Variants in EXOSC3 observed in about 807,000 individuals in gnomAD.
The protein encoded by EXOSC3 is exosome complex component RRP40.
EXOSC3 carries 18 observed loss-of-function variants against 25.1 expected under a neutral mutation model. The ratio of observed to expected loss-of-function variants is 0.72; its 90% CI spans 0.50 to 1.06. The LOEUF is 1.06. EXOSC3 is among the 50% of genes least tolerant of loss of function. The pLI is 0.00. For synonymous variants in EXOSC3, 165 were observed against 132.2 expected, an observed-to-expected ratio of 1.25 and a Z score of -1.70; for missense variants, 382 against 350.9, an observed-to-expected ratio of 1.09 and a Z score of -0.71.
chr9:37,784,416 C>G (rs190918996), intron 1 of EXOSC3: 6 of 501,076 alleles, frequency 1.2e-5, no homozygotes. Context: ...CCTATGACAT[C>G]CACTCATTGA....
In EXOSC3 at chr9:37,780,895, A is replaced by G; in HGVS notation, c.627-15T>C. 6.9e-6 allele frequency: 11 copies of G among 1,605,622 alleles called. No homozygotes were observed. The highest frequency in any genetic ancestry group is 8.5e-6 in the Non-Finnish European group (10 of 1,175,824). On this transcript the variant is annotated splice_polypyrimidine_tract_variant and intron_variant, in intron 3 of 3. Coordinates refer to ENST00000327304, the MANE Select transcript of EXOSC3 (RefSeq NM_016042.4). ...GAGCTAATAGCCTGGTGGGAAGAGA[A>G]AAGAAAATGAAATTTAATGAAGTGG...
Position 37,784,041 on chromosome 9 carries a change from T to A in EXOSC3, c.347A>T (p.His116Leu). 3 of 1,612,762 alleles carry A rather than the reference T, an allele frequency of 1.9e-6. No individual in the cohort carries two copies. The highest frequency in any genetic ancestry group is 1.1e-5 in the South Asian group (1 of 90,744). Residue 116 changes from histidine (H) to leucine (L), a missense_variant, in exon 2 of 4, where the codon CAT becomes CTT. Transcript: ENST00000327304. Reference sequence around the variant, plus strand: ...TTTAGCTGTCACTATGCCAATCACATGGTCTCCTTTTACTGGAACATACTA... The same window carrying A: ...TTTAGCTGTCACTATGCCAATCACAAGGTCTCCTTTTACTGGAACATACTA... Reference protein sequence around the residue: ...QKRYVPVKGDHVIGIVTAKSG... With the variant: ...QKRYVPVKGDLVIGIVTAKSG...
In EXOSC3 at chr9:37,784,966, C is replaced by G. The variant is rs770262381; in HGVS notation, c.79G>C (p.Val27Leu). 6.2e-7 allele frequency: 1 copy of G among 1,613,056 alleles called. No individual in the cohort carries two copies. The highest frequency in any genetic ancestry group is 8.5e-7 in the Non-Finnish European group (1 of 1,179,894). Residue 27 changes from valine (V) to leucine (L), a missense_variant, in exon 1 of 4, where the codon GTG becomes CTG. Transcript: ENST00000327304. The part of the protein sequence containing the change: ...ARAARTVLGQ[V>L]VLPGEELLLP... ...AGCAGCTCCTCACCCGGGAGCACCA[C>G]CTGACCTAGTACTGTGCGTGCAGCG...
At chr9:37,783,535 AGGAT>A (rs985206927) in intron 2 of EXOSC3, among the ~76,000 whole-genome samples, 2 of 152,194 alleles carry the variant, frequency 1.3e-5, no homozygotes, top group African/African-American at 4.8e-5. Context: ...ACCTACAGCC[AGGAT>A]GGATGGATAG....
chr9:37,785,058 A>G lies in EXOSC3; in HGVS notation c.-14T>C. The G allele has an allele frequency of 6.3e-7, 1 of 1,585,236 alleles. No homozygotes were observed. The highest frequency in any genetic ancestry group is 8.6e-7 in the Non-Finnish European group (1 of 1,164,560). ...AGGTTCGGCCATCGCGGGCTCCACC[A>G]AACACCGTTTCCGGTACCCGCCTTC... On this transcript the variant is annotated 5_prime_UTR_variant, in exon 1 of 4. Coordinates refer to ENST00000327304, the MANE Select transcript of EXOSC3 (RefSeq NM_016042.4).
Position 37,783,927 on chromosome 9 carries a change from CTGTT to C in EXOSC3, c.457_460del (p.Asn153AspfsTer49). The stretch of plus-strand genomic sequence containing the variant: ...TCCCGTAATTACCTGCACATTTGGT[CTGTT>C]TCTTTTAGTTGCACCTTCAAATGAC... On this transcript the variant is annotated frameshift_variant, in exon 2 of 4. Coordinates refer to ENST00000327304, the MANE Select transcript of EXOSC3 (RefSeq NM_016042.4). LOFTEE classifies it high-confidence loss of function. 6.2e-7 allele frequency: 1 copy of C among 1,611,726 alleles called. No individual in the cohort carries two copies. The highest frequency in any genetic ancestry group is 8.5e-7 in the Non-Finnish European group (1 of 1,179,748).
rs1019771747 is a variant in EXOSC3, at chr9:37,781,661, G to C, written c.626+325C>G. 4 of 244,684 alleles carry C rather than the reference G, an allele frequency of 1.6e-5. No individual in the cohort carries two copies. The South Asian group carries it at 3.0e-4, about 18-fold the overall frequency. 15.2% of individuals were successfully genotyped at this position (244,684 alleles called of 1,614,324 possible). A position where few individuals can be genotyped will look rare whatever the true frequency, so the allele number is the denominator to read the frequency against. ...ACTGCATCTGTATTCAAGTGACTCA[G>C]AACAGGGGAAAGGCCAGTTTTCACA... On this transcript the variant is annotated intron_variant, in intron 3 of 3. Coordinates refer to ENST00000327304, the MANE Select transcript of EXOSC3 (RefSeq NM_016042.4).
chr9:37,779,833 C>T lies in EXOSC3; in HGVS notation c.*846G>A, dbSNP rs1219007401. The T allele has an allele frequency of 6.6e-6, 1 of 152,190 alleles. No individual in the cohort carries two copies. The highest frequency in any genetic ancestry group is 1.5e-5 in the Non-Finnish European group (1 of 68,042). 9.4% of individuals were successfully genotyped at this position (152,190 alleles called of 1,614,324 possible). ...TCAGAGGTCTAGAAACCAAGAATCACTGATGTGGATCACCTGGCAGTCTCT... is the reference window on the plus strand; with the variant it reads ...TCAGAGGTCTAGAAACCAAGAATCATTGATGTGGATCACCTGGCAGTCTCT... On this transcript the variant is annotated 3_prime_UTR_variant, in exon 4 of 4. Transcript: ENST00000327304.
rs75756672 is a variant in EXOSC3 at position 37,783,122 on chromosome 9, G to A, written c.474+792C>T. On this transcript the variant is annotated intron_variant, in intron 2 of 3. Transcript: ENST00000327304. The stretch of plus-strand genomic sequence containing the variant: ...CTGTATGAAGGATATAATTAGGGAT[G>A]AGGAAAGACACCTGGAGTGTAATGC... 3.1e-3 allele frequency among the ~76,000 whole-genome samples: 476 copies of A among 152,312 alleles called. 1 individual carries two copies. Among genetic ancestry groups the A allele is most frequent in the Non-Finnish European group, 5.7e-3 (390 of 68,034 alleles).
In EXOSC3 at chr9:37,784,843, C is replaced by A. The variant is rs745785017; in HGVS notation, c.202G>T (p.Gly68Cys). ...TCCCCACAGCGCCGAAGGCCCGGAC[C>A]GCATACAACGCGCACCCGCGAGCAC... ...RACSRVRVVC[G>C]PGLRRCGDRL... The change falls in exon 1 of 4, where the codon GGT becomes TGT. Residue 68 changes from glycine to cysteine, a missense_variant. Gly to Cys is a radical substitution (Grantham distance 159). Transcript: ENST00000327304. The A allele has an allele frequency of 3.1e-6, 5 of 1,608,290 alleles. No homozygotes were observed. Among genetic ancestry groups the A allele is most frequent in the Non-Finnish European group, 4.2e-6 (5 of 1,177,632 alleles).
chr9:37,780,769 C>T lies in EXOSC3; in HGVS notation c.738G>A (p.Gln246=). The T allele has an allele frequency of 1.9e-6, 3 of 1,614,018 alleles. No homozygotes were observed. The highest frequency in any genetic ancestry group is 2.5e-6 in the Non-Finnish European group (3 of 1,179,938). Residue 246 remains glutamine, a synonymous_variant, in exon 4 of 4, where the codon CAG becomes CAA. Coordinates refer to ENST00000327304, the MANE Select transcript of EXOSC3 (RefSeq NM_016042.4). ...RIWVKAKTIQ[Q]TLILANILEA... ...CTAAAATGTTTGCCAAAATTAAAGTCTGCTGGATGGTTTTTGCCTTAACCC... is the reference window on the plus strand; with the variant it reads ...CTAAAATGTTTGCCAAAATTAAAGTTTGCTGGATGGTTTTTGCCTTAACCC...
At chr9:37,784,596 T>C (rs1828665999) in intron 1 of EXOSC3, 125 bp downstream of exon 1, 2 of 1,080,588 alleles carry the variant, frequency 1.9e-6, no homozygotes, top group Non-Finnish European at 2.6e-6. Context: ...GGCACAAGAC[T>C]ACGGTGGCTC....
Position 37,785,020 on chromosome 9 carries a change from C to A in EXOSC3, c.25G>T (p.Ala9Ser). Reference sequence around the variant, plus strand: ...GCCCTGCTGCCCGCGAGAGATTCAGCCGCGACAGACGCAGGTTCGGCCATC... The same window carrying A: ...GCCCTGCTGCCCGCGAGAGATTCAGACGCGACAGACGCAGGTTCGGCCATC... MAEPASVA[A>S]ESLAGSRARA... is the part of the protein sequence containing the mutation. The change falls in exon 1 of 4, where the codon GCT becomes TCT. Residue 9 changes from alanine to serine, a missense_variant. Physicochemically the swap from Ala to Ser is moderately conservative, Grantham distance 99. Transcript: ENST00000327304. 2 of 1,601,188 alleles carry A rather than the reference C, an allele frequency of 1.2e-6. No homozygotes were observed. The highest frequency in any genetic ancestry group is 1.7e-6 in the Non-Finnish European group (2 of 1,172,160).
At position 37,783,875 on chromosome 9, in the gene EXOSC3, G is replaced by A. The variant is rs191065591; in HGVS notation, c.474+39C>T. 3.0e-4 allele frequency: 474 copies of A among 1,599,142 alleles called. 1 individual carries two copies. The African/African-American group carries it at 5.3e-3, about 18-fold the overall frequency. On this transcript the variant is annotated intron_variant, in intron 2 of 3. Transcript: ENST00000327304. ...GGATATGTGAGTGTTCTAGGGAATG[G>A]ATGTTTGTTTCTTTGAAACCAAAGG...
Position 37,785,019 on chromosome 9 carries a change from G to A in EXOSC3, c.26C>T (p.Ala9Val). Reference sequence around the variant, plus strand: ...CGCCCTGCTGCCCGCGAGAGATTCAGCCGCGACAGACGCAGGTTCGGCCAT... The same window carrying A: ...CGCCCTGCTGCCCGCGAGAGATTCAACCGCGACAGACGCAGGTTCGGCCAT... MAEPASVA[A>V]ESLAGSRARA... The change falls in exon 1 of 4, where the codon GCT (alanine) becomes GTT (valine). Residue 9 changes from alanine (A) to valine (V), a missense_variant. Physicochemically the swap from Ala to Val is moderately conservative, Grantham distance 64 (BLOSUM62 0). Coordinates refer to ENST00000327304, the MANE Select transcript of EXOSC3 (RefSeq NM_016042.4). 3 of 1,601,094 alleles carry A rather than the reference G, an allele frequency of 1.9e-6. No homozygotes were observed. The highest frequency in any genetic ancestry group is 2.6e-6 in the Non-Finnish European group (3 of 1,171,884).
chr9:37,782,333 CA>C (rs1292466277), intron 2 of EXOSC3, among the ~76,000 whole-genome samples, 196 bp from the exon 3 acceptor site: 1 of 152,196 alleles, frequency 6.6e-6, no homozygotes, highest in Non-Finnish European at 1.5e-5. Context: ...TCCCTTTCAC[CA>C]ATCAGGAAAT....
At position 37,785,046 on chromosome 9, in the gene EXOSC3, G is replaced by C; in HGVS notation, c.-2C>G. The C allele has an allele frequency of 1.3e-6, 2 of 1,593,238 alleles. No individual in the cohort carries two copies. Among genetic ancestry groups the C allele is most frequent in the Non-Finnish European group, 1.7e-6 (2 of 1,168,828 alleles). ...CGCGACAGACGCAGGTTCGGCCATC[G>C]CGGGCTCCACCAAACACCGTTTCCG... is the stretch of plus-strand genomic sequence containing the variant. On this transcript the variant is annotated 5_prime_UTR_variant, in exon 1 of 4. Coordinates refer to ENST00000327304, the MANE Select transcript of EXOSC3 (RefSeq NM_016042.4).
Position 37,785,039 on chromosome 9 carries a change from G to T in EXOSC3, c.6C>A (p.Ala2=), listed in dbSNP as rs752749069. 5 of 1,594,734 alleles carry T rather than the reference G, an allele frequency of 3.1e-6. No homozygotes were observed. Among genetic ancestry groups the T allele is most frequent in the Admixed American group, 1.7e-5 (1 of 59,468 alleles). The change falls in exon 1 of 4, where the codon GCC becomes GCA. Residue 2 remains alanine, a synonymous_variant. Coordinates refer to ENST00000327304, the MANE Select transcript of EXOSC3 (RefSeq NM_016042.4). M[A]EPASVAAESL... ...ATTCAGCCGCGACAGACGCAGGTTCGGCCATCGCGGGCTCCACCAAACACC... is the reference window on the plus strand; with the variant it reads ...ATTCAGCCGCGACAGACGCAGGTTCTGCCATCGCGGGCTCCACCAAACACC...
intron 2 of EXOSC3, among the ~76,000 whole-genome samples, chr9:37,782,352 G>A (rs183624321): frequency 2.0e-5 from 3 of 152,328 alleles, no homozygotes; most frequent in East Asian, 3.9e-4. Flanking sequence ...AATCACAGAC[G>A]AGGAGCCATC....
Sources: gnomAD v4.1 joint callset for allele counts (sites outside exome capture counted in the v4.1 genomes callset) on GRCh38, gnomAD v4.1.1 for gene constraint, MANE v1.5 for transcripts, NCBI Gene and HGNC (gene_info 2026-07-23, HGNC 2026-07-21) for gene names.